The following PRSS12 variants were observed in gnomAD, a reference collection of about 807,000 sequenced individuals.
PRSS12 encodes the protein serine protease 12, also known as neurotrypsin.
A neutral mutation model predicts 104.4 loss-of-function variants in PRSS12; 85 were observed. That is an observed-to-expected ratio of 0.81 (90% confidence interval 0.68 to 0.98). The LOEUF is 0.98. Ranked by LOEUF, PRSS12 falls within the 50% of genes least tolerant of loss-of-function variation. The pLI, the probability that PRSS12 is intolerant of heterozygous loss-of-function variation, is 0.00. For synonymous variants in PRSS12, 454 were observed against 425.2 expected (o/e 1.07, Z -0.83); for missense variants, 1,141 against 1,139.2 (o/e 1.00, Z -0.02).
chr4:118,304,189 T>C (rs1003643156), intron 8 of PRSS12, among the ~76,000 whole-genome samples: 3 of 151,842 alleles, frequency 2.0e-5, no homozygotes, highest in South Asian at 2.1e-4. Flanking sequence ...TGTGTGCATA[T>C]ATGTGTGTGT....
chr4:118,326,173 T>C (rs141762491), intron 4 of PRSS12, among the ~76,000 whole-genome samples: 2 of 152,324 alleles, frequency 1.3e-5, no homozygotes, highest in East Asian at 1.9e-4. Flanking sequence ...TTATAAAAGA[T>C]TGGCTCTTTA....
chr4:118,282,214 C>T lies in PRSS12; in HGVS notation c.2350G>A (p.Ala784Thr). 1 of 1,614,220 alleles carries T rather than the reference C, an allele frequency of 6.2e-7. No individual in the cohort carries two copies. Among genetic ancestry groups the T allele is most frequent in the Non-Finnish European group, 8.5e-7 (1 of 1,180,054 alleles). The change falls in exon 13 of 13, where the codon GCA (alanine) becomes ACA (threonine). Residue 784 changes from alanine to threonine, a missense_variant. By Grantham distance (58) the Ala-to-Thr change is moderately conservative (BLOSUM62 0). Transcript: ENST00000296498. ...CTTTTAGGAAGTAAGGGAATGGCTGCTTGTTGTAGTGTTCTTGAATAGGCT... is the reference window on the plus strand; with the variant it reads ...CTTTTAGGAAGTAAGGGAATGGCTGTTTGTTGTAGTGTTCTTGAATAGGCT... Reference protein sequence around the residue: ...GRAYSRTLQQAAIPLLPKRFC... With the variant: ...GRAYSRTLQQTAIPLLPKRFC...
intron 8 of PRSS12, among the ~76,000 whole-genome samples, chr4:118,302,418 A>G (rs1320534937): frequency 6.6e-6 from 1 of 152,216 alleles, no homozygotes; most frequent in Admixed American, 6.5e-5. Context: ...TTGCTCTGCA[A>G]CAATTCATGT....
At chr4:118,318,882 G>A (rs112835991) in intron 4 of PRSS12, among the ~76,000 whole-genome samples, 4 of 152,022 alleles carry the variant, frequency 2.6e-5, no homozygotes, top group African/African-American at 9.7e-5. Flanking sequence ...TGATGACTAA[G>A]TTTGTTTGTT....
At chr4:118,328,656 C>T (rs78932489) in intron 4 of PRSS12, among the ~76,000 whole-genome samples, 7,086 of 152,204 alleles carry the variant, frequency 0.047, 248 homozygotes, top group South Asian at 0.15. Context: ...GAGAGTCTTG[C>T]TGTCTCATCC....
At chr4:118,286,683 A>G (rs897571727) in intron 11 of PRSS12, among the ~76,000 whole-genome samples, 3 of 152,228 alleles carry the variant, frequency 2.0e-5, no homozygotes, top group African/African-American at 7.2e-5. Context: ...GTCCACATAC[A>G]TACACTCTCA....
chr4:118,342,846 ACTGTTTTC>A (rs1724251693), intron 1 of PRSS12, among the ~76,000 whole-genome samples: 1 of 152,226 alleles, frequency 6.6e-6, no homozygotes, highest in Non-Finnish European at 1.5e-5. Flanking sequence ...ATAGTTTACA[ACTGTTTTC>A]CTTCTAAGTA....
In PRSS12 at chr4:118,280,202, C is replaced by T. The variant is rs1334157795; in HGVS notation, c.*1734G>A. The T allele has an allele frequency of 2.0e-5, 3 of 152,210 alleles. No individual in the cohort carries two copies. Among genetic ancestry groups the T allele is most frequent in the African/African-American group, 7.2e-5 (3 of 41,444 alleles). The allele number at this position is 152,210 out of a possible 1,614,324, so 9.4% of individuals were successfully genotyped here. A position where few individuals can be genotyped will look rare whatever the true frequency, so the allele number is the denominator to read the frequency against. On this transcript the variant is annotated 3_prime_UTR_variant, in exon 13 of 13. Transcript: ENST00000296498. ...TGCTGCCTTTTAGGTTTGCTAGTCC[C>T]TGATCTACTTGAAACAGATGTTGCT...
chr4:118,336,984 C>T (rs532121451), intron 2 of PRSS12, among the ~76,000 whole-genome samples: 15 of 152,186 alleles, frequency 9.9e-5, no homozygotes, highest in Non-Finnish European at 2.1e-4. Context: ...GGCCTTACTC[C>T]TTCGTTCATC....
chr4:118,297,191 G>T (rs1232802030), intron 9 of PRSS12, among the ~76,000 whole-genome samples: 1 of 152,070 alleles, frequency 6.6e-6, no homozygotes, highest in Admixed American at 6.6e-5. Context: ...TGGTTAATAT[G>T]CCAGATTCTG....
chr4:118,335,602 G>A lies in PRSS12; in HGVS notation c.691C>T (p.Pro231Ser). The A allele has an allele frequency of 6.2e-7, 1 of 1,613,986 alleles. No homozygotes were observed. The highest frequency in any genetic ancestry group is 8.5e-7 in the Non-Finnish European group (1 of 1,179,980). ...CAACGGACATTGCTCCAATAAATGG[G>A]AATAAGGCCCAGTCCAGAAAACGGG... ...QTPFSGLGLI[P>S]IYWSNVRCRG... The change falls in exon 3 of 13, where the codon CCC (proline) becomes TCC (serine). Residue 231 changes from proline (P) to serine (S), a missense_variant. Physicochemically the swap from Pro to Ser is moderately conservative, Grantham distance 74. Transcript: ENST00000296498.
At position 118,352,769 on chromosome 4, in the gene PRSS12, T is replaced by A. The variant is rs202061255; in HGVS notation, c.-49A>T. The A allele has an allele frequency of 1.3e-6, 2 of 1,595,548 alleles. No individual in the cohort carries two copies. The highest frequency in any genetic ancestry group is 1.7e-6 in the Non-Finnish European group (2 of 1,171,920). Reference sequence around the variant, plus strand: ...TCCATGCTCCCCAGCTTCTCGGGCTTGGAGCGGAGAAGAGGAGGGGGCGGG... The same window carrying A: ...TCCATGCTCCCCAGCTTCTCGGGCTAGGAGCGGAGAAGAGGAGGGGGCGGG... On this transcript the variant is annotated 5_prime_UTR_variant, in exon 1 of 13. Transcript: ENST00000296498.
At chr4:118,293,920 T>C (rs1446729131) in intron 11 of PRSS12, among the ~76,000 whole-genome samples, 2 of 152,208 alleles carry the variant, frequency 1.3e-5, no homozygotes, top group Non-Finnish European at 2.9e-5. Context: ...TATTGCAACA[T>C]TGTTTTCTAT....
rs952729120 is a variant in PRSS12 at position 118,312,985 on chromosome 4, A to G, written c.1489+216T>C. ...TAGTGAGGAACTTAATTTTCTAAGTAAAGAAAAACAATTTAGGGGTAGAAA... is the reference window on the plus strand; with the variant it reads ...TAGTGAGGAACTTAATTTTCTAAGTGAAGAAAAACAATTTAGGGGTAGAAA... On this transcript the variant is annotated intron_variant, in intron 7 of 12. Transcript: ENST00000296498. 7.5e-5 allele frequency: 44 copies of G among 585,456 alleles called. No individual in the cohort carries two copies. In the East Asian group the frequency reaches 1.2e-3, roughly 16 times the overall value. The allele number at this position is 585,456 out of a possible 1,614,324, so 36.3% of individuals were successfully genotyped here.
chr4:118,340,227 T>C (rs1724167782), intron 1 of PRSS12, among the ~76,000 whole-genome samples: 1 of 152,192 alleles, frequency 6.6e-6, no homozygotes, highest in Admixed American at 6.5e-5. Context: ...ACCATCATTT[T>C]CTCTAACGCT....
chr4:118,301,987 C>T (rs1027116643), intron 8 of PRSS12, among the ~76,000 whole-genome samples: 1 of 152,148 alleles, frequency 6.6e-6, no homozygotes, highest in Non-Finnish European at 1.5e-5. Flanking sequence ...ATGGCAGGCA[C>T]TCTTTTGTTC....
rs972816080 is a variant in PRSS12 at position 118,281,029 on chromosome 4, A to G, written c.*907T>C. On this transcript the variant is annotated 3_prime_UTR_variant, in exon 13 of 13. Coordinates refer to ENST00000296498, the MANE Select transcript of PRSS12 (RefSeq NM_003619.4). The stretch of plus-strand genomic sequence containing the variant: ...AGGCCAGGAAAGCATTTTGACTAGT[A>G]TATTTTAAGATTGGATTGTATCAGG... The G allele has an allele frequency of 4.6e-5, 7 of 152,288 alleles. No homozygotes were observed. The highest frequency in any genetic ancestry group is 7.3e-5 in the Non-Finnish European group (5 of 68,064). 9.4% of individuals were successfully genotyped at this position (152,288 alleles called of 1,614,324 possible).
Position 118,283,073 on chromosome 4 carries a change from C to A in PRSS12, c.2078G>T (p.Gly693Val). ...CTCTGGTACCAGAGTATGATAATCTCCAACCCTAACAGCATAGCTCCTAGT... is the reference window on the plus strand; with the variant it reads ...CTCTGGTACCAGAGTATGATAATCTACAACCCTAACAGCATAGCTCCTAGT... Reference protein sequence around the residue: ...NSTRSYAVRVGDYHTLVPEEF... With the variant: ...NSTRSYAVRVVDYHTLVPEEF... Residue 693 changes from glycine (G) to valine (V), a missense_variant, in exon 12 of 13, where the codon GGA (glycine) becomes GTA (valine). Physicochemically the swap from Gly to Val is moderately radical, Grantham distance 109. Transcript: ENST00000296498. 6.2e-7 allele frequency: 1 copy of A among 1,614,190 alleles called. No individual in the cohort carries two copies. The highest frequency in any genetic ancestry group is 8.5e-7 in the Non-Finnish European group (1 of 1,180,034).
Position 118,352,824 on chromosome 4 carries a change from CA to C in PRSS12, c.-105del. ...GGGCTGCCGCGTCCCTCGAATCCCC[CA>C]GCCCCCTCCCGCCCCCGCACGCGGA... On this transcript the variant is annotated 5_prime_UTR_variant, in exon 1 of 13. Transcript: ENST00000296498. 1 of 1,517,684 alleles carries C rather than the reference CA, an allele frequency of 6.6e-7. No individual in the cohort carries two copies. The highest frequency in any genetic ancestry group is 1.2e-5 in the South Asian group (1 of 80,958). 94.0% of individuals were successfully genotyped at this position (1,517,684 alleles called of 1,614,324 possible).
Sources: allele counts gnomAD v4.1 joint callset (sites outside exome capture counted in the v4.1 genomes callset), GRCh38; gene constraint gnomAD v4.1.1; transcripts MANE v1.5; gene names NCBI Gene and HGNC (gene_info 2026-07-23, HGNC 2026-07-21).